Variants in CBY2 observed in about 807,000 individuals in gnomAD.
CBY2 encodes chibby family member 2.
CBY2 carries 23 observed loss-of-function variants against 25.3 expected under a neutral mutation model. The ratio of observed to expected loss-of-function variants is 0.91; its 90% CI spans 0.65 to 1.29. The LOEUF (loss-of-function observed/expected upper bound fraction) is 1.29, where lower values mean the gene tolerates loss of function less well. Among genes scored for constraint, CBY2 ranks in the 50% most tolerant of loss-of-function variants. The pLI, the probability that CBY2 is intolerant of heterozygous loss-of-function variation, is 0.00. For missense variants in CBY2, 642 were observed against 590.7 expected, an observed-to-expected ratio of 1.09 and a Z score of -0.90; for synonymous variants, 279 against 260.2, an observed-to-expected ratio of 1.07 and a Z score of -0.70.
In CBY2 at chr13:45,713,883, A is replaced by C. The variant is rs1007449205; in HGVS notation, c.858A>C (p.Ser286=). 1.2e-5 allele frequency: 18 copies of C among 1,529,786 alleles called. No homozygotes were observed. Among genetic ancestry groups the C allele is most frequent in the Admixed American group, 4.0e-5 (2 of 49,852 alleles). The allele number at this position is 1,529,786 out of a possible 1,614,324, so 94.8% of individuals were successfully genotyped here. The change falls in exon 3 of 3, where the codon TCA becomes TCC. Residue 286 remains serine (S), a synonymous_variant. Transcript: ENST00000310521. This position sits in a 1 kb window ranked among gnomAD's most constrained non-coding sequence, Gnocchi z 5.0. ...APAEESKPAP[S]PHEEPCSPGL... Reference sequence around the variant, plus strand: ...CCGAGGAAAGCAAGCCCGCCCCCTCACCCCACGAGGAGCCCTGCAGCCCCG... The same window carrying C: ...CCGAGGAAAGCAAGCCCGCCCCCTCCCCCCACGAGGAGCCCTGCAGCCCCG...
Position 45,713,048 on chromosome 13 carries a change from AG to A in CBY2, c.157-133del. On this transcript the variant is annotated intron_variant, in intron 2 of 2. Coordinates refer to ENST00000310521, the MANE Select transcript of CBY2 (RefSeq NM_152719.3). This position sits in a 1 kb window ranked among gnomAD's most constrained non-coding sequence, Gnocchi z 5.0. ...ACATTTCCTTGTGAGGACCCCAAGA[AG>A]CAAAAGCGCCCACTGTGGCCAGGCC... 2.9e-6 allele frequency: 2 copies of A among 681,198 alleles called. No individual in the cohort carries two copies. The highest frequency in any genetic ancestry group is 4.9e-6 in the Non-Finnish European group (2 of 409,456). 42.2% of individuals were successfully genotyped at this position (681,198 alleles called of 1,614,324 possible).
rs774413206 is a variant in CBY2, at chr13:45,713,470, C to T, written c.445C>T (p.Pro149Ser). 2.5e-6 allele frequency: 4 copies of T among 1,614,236 alleles called. No homozygotes were observed. The highest frequency in any genetic ancestry group is 1.3e-5 in the African/African-American group (1 of 75,060). Reference protein sequence around the residue: ...NCRLQSPYFSPSASFHHKLHH... With the variant: ...NCRLQSPYFSSSASFHHKLHH... ...CCGCCTGCAGTCTCCCTACTTCTCC[C>T]CATCCGCCTCCTTCCACCACAAGCT... Residue 149 changes from proline to serine, a missense_variant, in exon 3 of 3, where the codon CCA (proline) becomes TCA (serine). Pro to Ser is a moderately conservative substitution (Grantham distance 74, BLOSUM62 -1). Coordinates refer to ENST00000310521, the MANE Select transcript of CBY2 (RefSeq NM_152719.3). This position sits in a 1 kb window ranked among gnomAD's most constrained non-coding sequence, Gnocchi z 5.0.
Position 45,713,238 on chromosome 13 carries a change from C to T in CBY2, c.213C>T (p.Cys71=). 3 of 1,613,592 alleles carry T rather than the reference C, an allele frequency of 1.9e-6. No individual in the cohort carries two copies. Among genetic ancestry groups the T allele is most frequent in the Non-Finnish European group, 2.5e-6 (3 of 1,179,912 alleles). ...RLHNLYSTPR[C]AQQAALPRLS... is the part of the protein sequence containing the mutation. ...ACAACTTGTACAGCACCCCTCGCTG[C>T]GCGCAGCAGGCCGCCCTGCCCCGGC... Residue 71 remains cysteine, a synonymous_variant, in exon 3 of 3, where the codon TGC becomes TGT. Transcript: ENST00000310521. This position sits in a 1 kb window ranked among gnomAD's most constrained non-coding sequence, Gnocchi z 5.0.
rs754417942 is a variant in CBY2 at position 45,704,067 on chromosome 13, G to A, written c.156+1212G>A. Among the ~76,000 whole-genome samples the A allele has an allele frequency of 1.9e-4, 29 of 152,274 alleles. No homozygotes were observed. Among genetic ancestry groups the A allele is most frequent in the Admixed American group, 3.3e-4 (5 of 15,306 alleles). On this transcript the variant is annotated intron_variant, in intron 2 of 2. Transcript: ENST00000310521. This position sits in a 1 kb window ranked among gnomAD's most constrained non-coding sequence, Gnocchi z 4.1. ...TTCTCTGATAGTAACCCTCGGTAATGTTAGCAAAGTTGGTGTTTAAGAAAC... is the reference window on the plus strand; with the variant it reads ...TTCTCTGATAGTAACCCTCGGTAATATTAGCAAAGTTGGTGTTTAAGAAAC...
In CBY2 at chr13:45,702,821, G is replaced by A. The variant is rs201522859; in HGVS notation, c.122G>A (p.Ser41Asn). The A allele has an allele frequency of 2.5e-6, 4 of 1,614,008 alleles. No individual in the cohort carries two copies. The Admixed American group carries it at 6.7e-5, about 27-fold the overall frequency. Residue 41 changes from serine to asparagine, a missense_variant, in exon 2 of 3, where the codon AGC becomes AAC. Transcript: ENST00000310521. ...AGAAAAAGAGATACCAGATCTGAAA[G>A]CCTAGAAATTCCAATCAGTGTGGTT... The part of the protein sequence containing the change: ...YTRKRDTRSE[S>N]LEIPISVVLP...
rs1950298586 is a variant in CBY2 at position 45,714,180 on chromosome 13, G to A, written c.1155G>A (p.Val385=). 1 of 1,611,164 alleles carries A rather than the reference G, an allele frequency of 6.2e-7. No homozygotes were observed. The highest frequency in any genetic ancestry group is 1.7e-5 in the Admixed American group (1 of 59,704). Residue 385 remains valine (V), a synonymous_variant, in exon 3 of 3, where the codon GTG becomes GTA. Transcript: ENST00000310521. The part of the protein sequence containing the change: ...LLQEENRTLQ[V]LRAEHRGFQE... ...AGGAGGAGAACAGGACCCTGCAGGTGCTACGGGCAGAGCACAGGGGCTTCC... is the reference window on the plus strand; with the variant it reads ...AGGAGGAGAACAGGACCCTGCAGGTACTACGGGCAGAGCACAGGGGCTTCC...
rs145310518 is a variant in CBY2, at chr13:45,711,408, G to A, written c.157-1774G>A. ...AGGTGCCTTTAAGATCATGGAGCCC[G>A]ACTCCCTCTTTTTCACTCGTGAAAA... On this transcript the variant is annotated intron_variant, in intron 2 of 2. Transcript: ENST00000310521. 1.1e-4 allele frequency among the ~76,000 whole-genome samples: 16 copies of A among 152,216 alleles called. No individual in the cohort carries two copies. The South Asian group carries it at 1.5e-3, about 14-fold the overall frequency.
At position 45,713,666 on chromosome 13, in the gene CBY2, C is replaced by G. The variant is rs776315351; in HGVS notation, c.641C>G (p.Ala214Gly). 2 of 1,612,924 alleles carry G rather than the reference C, an allele frequency of 1.2e-6. No individual in the cohort carries two copies. The highest frequency in any genetic ancestry group is 1.7e-6 in the Non-Finnish European group (2 of 1,179,984). ...TCGCTGGGCCGAGAGGAGAGCCGGGCCCCCTCGCCACTGCTGCACAAAGAC... is the reference window on the plus strand; with the variant it reads ...TCGCTGGGCCGAGAGGAGAGCCGGGGCCCCTCGCCACTGCTGCACAAAGAC... ...KASLGREESR[A>G]PSPLLHKDSA... is the part of the protein sequence containing the mutation. The change falls in exon 3 of 3, where the codon GCC becomes GGC. Residue 214 changes from alanine to glycine, a missense_variant. Ala to Gly is a moderately conservative substitution (Grantham distance 60). Transcript: ENST00000310521. This position sits in a 1 kb window ranked among gnomAD's most constrained non-coding sequence, Gnocchi z 5.0.
At chr13:45,712,625 T>C (rs1246694477) in intron 2 of CBY2, among the ~76,000 whole-genome samples, 2 of 152,158 alleles carry the variant, frequency 1.3e-5, no homozygotes, top group Non-Finnish European at 2.9e-5. Flanking sequence ...ATAGTGTCCA[T>C]TGCGCAGTCT....
chr13:45,711,637 T>TTCC (rs1186517398), intron 2 of CBY2, among the ~76,000 whole-genome samples: 6 of 152,146 alleles, frequency 3.9e-5, no homozygotes, highest in African/African-American at 7.2e-5. Context: ...GAAATGCAGA[T>TTCC]TCCTGGGCCA....
intron 2 of CBY2, among the ~76,000 whole-genome samples, chr13:45,712,931 A>G (rs899154960): frequency 6.6e-6 from 1 of 152,176 alleles, no homozygotes; most frequent in African/African-American, 2.4e-5. Context: ...ATAGCCCTCT[A>G]TTTCCTGTAG....
chr13:45,714,251 A>G lies in CBY2; in HGVS notation c.1226A>G (p.Gln409Arg), dbSNP rs749747100. 3.1e-6 allele frequency: 5 copies of G among 1,613,214 alleles called. No individual in the cohort carries two copies. Among genetic ancestry groups the G allele is most frequent in the Non-Finnish European group, 4.2e-6 (5 of 1,179,914 alleles). ...TGGGAGAACAACAAGCTGAAGCTGCAGCAGAAGCTGGTCATTGACACCGTG... is the reference window on the plus strand; with the variant it reads ...TGGGAGAACAACAAGCTGAAGCTGCGGCAGAAGCTGGTCATTGACACCGTG... ...ALWENNKLKL[Q>R]QKLVIDTVTE... Residue 409 changes from glutamine to arginine, a missense_variant, in exon 3 of 3, where the codon CAG becomes CGG. Transcript: ENST00000310521.
intron 2 of CBY2, among the ~76,000 whole-genome samples, chr13:45,711,243 AT>A (rs1276625251): frequency 6.6e-6 from 1 of 152,172 alleles, no homozygotes; most frequent in African/African-American, 2.4e-5. Context: ...ATAATACCTT[AT>A]GGTTCTTTGG....
In CBY2 at chr13:45,713,476, G is replaced by A. The variant is rs767393186; in HGVS notation, c.451G>A (p.Ala151Thr). 1.2e-5 allele frequency: 20 copies of A among 1,614,062 alleles called. No individual in the cohort carries two copies. In the Admixed American group the frequency reaches 3.0e-4, roughly 24 times the overall value. The change falls in exon 3 of 3, where the codon GCC (alanine) becomes ACC (threonine). Residue 151 changes from alanine (A) to threonine (T), a missense_variant. By Grantham distance (58) the Ala-to-Thr change is moderately conservative (BLOSUM62 0). Coordinates refer to ENST00000310521, the MANE Select transcript of CBY2 (RefSeq NM_152719.3). The surrounding 1 kb of genome is among the most constrained non-coding windows in gnomAD (Gnocchi z 5.0). ...GCAGTCTCCCTACTTCTCCCCATCC[G>A]CCTCCTTCCACCACAAGCTGCACCA... is the stretch of plus-strand genomic sequence containing the variant. ...RLQSPYFSPS[A>T]SFHHKLHHKR...
intron 2 of CBY2, among the ~76,000 whole-genome samples, chr13:45,707,702 A>G (rs1223902747): frequency 6.6e-6 from 1 of 152,254 alleles, no homozygotes; most frequent in African/African-American, 2.4e-5. Flanking sequence ...ATTGCAAAGT[A>G]ATGATATTAG....
chr13:45,707,417 T>C (rs760468776), intron 2 of CBY2, among the ~76,000 whole-genome samples: 1 of 152,184 alleles, frequency 6.6e-6, no homozygotes, highest in Admixed American at 6.5e-5. Flanking sequence ...ATACACTAAC[T>C]ATATTAAGGC....
Position 45,713,655 on chromosome 13 carries a change from G to A in CBY2, c.630G>A (p.Glu210=), listed in dbSNP as rs747612898. Residue 210 remains glutamate, a synonymous_variant, in exon 3 of 3, where the codon GAG becomes GAA. Coordinates refer to ENST00000310521, the MANE Select transcript of CBY2 (RefSeq NM_152719.3). The surrounding 1 kb of genome is among the most constrained non-coding windows in gnomAD (Gnocchi z 5.0). The part of the protein sequence containing the change: ...WEEHKASLGR[E]ESRAPSPLLH... ...AGCACAAGGCCTCGCTGGGCCGAGA[G>A]GAGAGCCGGGCCCCCTCGCCACTGC... The A allele has an allele frequency of 3.7e-6, 6 of 1,613,392 alleles. No homozygotes were observed. The highest frequency in any genetic ancestry group is 1.1e-5 in the South Asian group (1 of 91,082).
rs1004179219 is a variant in CBY2 at position 45,713,330 on chromosome 13, C to A, written c.305C>A (p.Pro102His). Residue 102 changes from proline (P) to histidine (H), a missense_variant, in exon 3 of 3, where the codon CCC (proline) becomes CAC (histidine). Coordinates refer to ENST00000310521, the MANE Select transcript of CBY2 (RefSeq NM_152719.3). This position sits in a 1 kb window ranked among gnomAD's most constrained non-coding sequence, Gnocchi z 5.0. Reference protein sequence around the residue: ...LNRFSSVPLDPMERPMSQADL... With the variant: ...LNRFSSVPLDHMERPMSQADL... ...CGCTTCTCCTCCGTGCCTTTAGACC[C>A]CATGGAGCGCCCCATGTCCCAGGCC... 1 of 1,614,078 alleles carries A rather than the reference C, an allele frequency of 6.2e-7. No homozygotes were observed. The highest frequency in any genetic ancestry group is 1.3e-5 in the African/African-American group (1 of 74,942).
chr13:45,713,669 C>G lies in CBY2; in HGVS notation c.644C>G (p.Pro215Arg), dbSNP rs190401944. 860 of 1,613,022 alleles carry G rather than the reference C, an allele frequency of 5.3e-4. 1 individual carries two copies. The highest frequency in any genetic ancestry group is 6.4e-4 in the Non-Finnish European group (759 of 1,179,988). The change falls in exon 3 of 3, where the codon CCC becomes CGC. Residue 215 changes from proline to arginine, a missense_variant. Pro to Arg is a moderately radical substitution (Grantham distance 103). Transcript: ENST00000310521. This position sits in a 1 kb window ranked among gnomAD's most constrained non-coding sequence, Gnocchi z 5.0. ...CTGGGCCGAGAGGAGAGCCGGGCCC[C>G]CTCGCCACTGCTGCACAAAGACAGC... The part of the protein sequence containing the change: ...ASLGREESRA[P>R]SPLLHKDSAS...
Sources: gnomAD v4.1 joint callset for allele counts (sites outside exome capture counted in the v4.1 genomes callset) on GRCh38, gnomAD v4.1.1 for gene constraint, Gnocchi (gnomAD v3.1) non-coding constraint, MANE v1.5 for transcripts, NCBI Gene and HGNC (gene_info 2026-07-23, HGNC 2026-07-21) for gene names.